The following FRMD4A variants were observed in gnomAD, a reference collection of about 807,000 sequenced individuals.
The protein encoded by FRMD4A is FERM domain-containing protein 4A.
A neutral mutation model predicts 129.1 loss-of-function variants in FRMD4A; 29 were observed. The observed-to-expected ratio is 0.22, with a 90% CI of 0.17 to 0.31. The LOEUF (loss-of-function observed/expected upper bound fraction) is 0.31, where lower values mean the gene tolerates loss of function less well. Among genes scored for constraint, FRMD4A ranks in the 10% least tolerant of loss-of-function variants. The pLI, the probability that FRMD4A is intolerant of heterozygous loss-of-function variation, is 1.00. For missense variants in FRMD4A, 1,272 were observed against 1,375.8 expected (o/e 0.92, Z 1.19); for synonymous variants, 634 against 571.6 (o/e 1.11, Z -1.56).
chr10:13,717,326 A>T (rs1327884351), intron 12 of FRMD4A, among the ~76,000 whole-genome samples: 1 of 151,950 alleles, frequency 6.6e-6, no homozygotes, highest in Non-Finnish European at 1.5e-5. Flanking sequence ...AAATTTTTTA[A>T]TTTTTGAGAT....
chr10:14,029,905 G>A lies in FRMD4A; in HGVS notation c.46-170993C>T, dbSNP rs184595851. On this transcript the variant is annotated intron_variant, in intron 2 of 24. Transcript: ENST00000357447. ...TAAAGGTCCAGTTTCATTATTCTGC[G>A]TTGTGGATATCCAGTTTTTACAACA... is the stretch of plus-strand genomic sequence containing the variant. Among the ~76,000 whole-genome samples the A allele has an allele frequency of 1.1e-4, 16 of 151,832 alleles. No homozygotes were observed. In the East Asian group the frequency reaches 2.1e-3, roughly 20 times the overall value.
intron 2 of FRMD4A, among the ~76,000 whole-genome samples, chr10:14,117,736 T>C (rs1838273161): frequency 6.6e-6 from 1 of 152,206 alleles, no homozygotes. Context: ...TCAGTCAATA[T>C]TTCTTGTGTA....
In FRMD4A at chr10:13,898,985, C is replaced by T. The variant is rs999351652; in HGVS notation, c.46-40073G>A. Among the ~76,000 whole-genome samples the T allele has an allele frequency of 4.6e-5, 7 of 151,990 alleles. No individual in the cohort carries two copies. The South Asian group carries it at 1.5e-3, about 32-fold the overall frequency. ...ATCACTTGAGGCTAGGAATTTGAGA[C>T]CAGCCTGGGCTACATAGTGAGACCC... is the stretch of plus-strand genomic sequence containing the variant. On this transcript the variant is annotated intron_variant, in intron 2 of 24. Coordinates refer to ENST00000357447, the MANE Select transcript of FRMD4A (RefSeq NM_018027.5).
At chr10:13,800,631 C>CCACA (rs891668870) in intron 4 of FRMD4A, among the ~76,000 whole-genome samples, 2 of 152,154 alleles carry the variant, frequency 1.3e-5, no homozygotes, top group Non-Finnish European at 2.9e-5. Context: ...ATATGAGTGA[C>CCACA]CACACACACT....
chr10:13,968,054 G>C (rs1354805281), intron 2 of FRMD4A, among the ~76,000 whole-genome samples: 1 of 152,112 alleles, frequency 6.6e-6, no homozygotes, highest in Non-Finnish European at 1.5e-5. Context: ...ATTTAAAGTG[G>C]CTCCCCAGTG....
At chr10:14,195,483 G>A (rs2131930290) in intron 2 of FRMD4A, among the ~76,000 whole-genome samples, 1 of 151,624 alleles carries the variant, frequency 6.6e-6, no homozygotes, top group Admixed American at 6.6e-5. Context: ...AACTCGGGCT[G>A]CAGTTAGAGA....
rs560636246 is a variant in FRMD4A, at chr10:14,261,446, A to T, written c.45+68612T>A. Among the ~76,000 whole-genome samples the T allele has an allele frequency of 9.2e-5, 14 of 152,280 alleles. No homozygotes were observed. The South Asian group carries it at 2.9e-3, about 32-fold the overall frequency. On this transcript the variant is annotated intron_variant, in intron 2 of 24. Coordinates refer to ENST00000357447, the MANE Select transcript of FRMD4A (RefSeq NM_018027.5). ...TTCAGTTTTCCTGAACTGAAAACTG[A>T]CCTGCTCACCAATGGCTCTAACGCT...
At position 14,010,962 on chromosome 10, in the gene FRMD4A, C is replaced by T. The variant is rs566983667; in HGVS notation, c.46-152050G>A. On this transcript the variant is annotated intron_variant, in intron 2 of 24. Transcript: ENST00000357447. ...GGCAGGCCATGTGCTGTGAGGTTAT[C>T]AAAGGCTACTTCCATGGAGGAAATG... Among the ~76,000 whole-genome samples the T allele has an allele frequency of 2.6e-5, 4 of 152,310 alleles. No individual in the cohort carries two copies. The East Asian group carries it at 7.7e-4, about 29-fold the overall frequency.
intron 20 of FRMD4A, 53 bp from the exon 21 acceptor site, chr10:13,659,543 T>C: frequency 1.9e-6 from 3 of 1,553,726 alleles, no homozygotes; most frequent in Non-Finnish European, 2.6e-6. Context: ...GCACCTTTCC[T>C]GGGGGGCTGG....
intron 2 of FRMD4A, among the ~76,000 whole-genome samples, chr10:13,912,418 T>C (rs548856803): frequency 1.2e-4 from 18 of 152,152 alleles, no homozygotes; most frequent in African/African-American, 3.6e-4. Context: ...TGCACATGAA[T>C]GTTCATAGTG....
intron 2 of FRMD4A, among the ~76,000 whole-genome samples, chr10:14,185,754 C>G (rs1390147821): frequency 5.3e-5 from 8 of 152,170 alleles, no homozygotes; most frequent in Non-Finnish European, 1.0e-4. Context: ...GTAGACCAGG[C>G]TAGTACCAGC....
At chr10:13,704,907 C>CAA (rs771166757) in intron 13 of FRMD4A, among the ~76,000 whole-genome samples, 158 of 127,446 alleles carry the variant, frequency 1.2e-3, no homozygotes, top group Non-Finnish European at 2.1e-3. Flanking sequence ...CCAGTCTCTC[C>CAA]AAAAAAAAAA....
At chr10:14,037,858 A>T (rs988187041) in intron 2 of FRMD4A, among the ~76,000 whole-genome samples, 15 of 152,182 alleles carry the variant, frequency 9.9e-5, no homozygotes, top group African/African-American at 3.6e-4. Context: ...TCCTTTCATA[A>T]GCCAAAATGC....
intron 2 of FRMD4A, among the ~76,000 whole-genome samples, chr10:14,129,220 T>C (rs985466034): frequency 1.3e-5 from 2 of 151,564 alleles, no homozygotes; most frequent in African/African-American, 4.9e-5. Context: ...TGAAGTACCT[T>C]ATTACCGTAT....
At chr10:13,960,304 T>C (rs557226534) in intron 2 of FRMD4A, among the ~76,000 whole-genome samples, 2 of 152,356 alleles carry the variant, frequency 1.3e-5, no homozygotes, top group East Asian at 3.9e-4. Context: ...TACACTTATT[T>C]TGGAAACAGA....
intron 2 of FRMD4A, among the ~76,000 whole-genome samples, chr10:13,898,986 C>A (rs1265760755): frequency 6.6e-6 from 1 of 152,038 alleles, no homozygotes; most frequent in East Asian, 1.9e-4. Flanking sequence ...AATTTGAGAC[C>A]AGCCTGGGCT....
At position 13,762,501 on chromosome 10, in the gene FRMD4A, G is replaced by T. The variant is rs796941314; in HGVS notation, c.441+123C>A. The T allele has an allele frequency of 2.2e-5, 14 of 637,746 alleles. No individual in the cohort carries two copies. The African/African-American group carries it at 2.4e-4, about 11-fold the overall frequency. The allele number at this position is 637,746 out of a possible 1,614,324, so 39.5% of individuals were successfully genotyped here. On this transcript the variant is annotated intron_variant, in intron 7 of 24. Coordinates refer to ENST00000357447, the MANE Select transcript of FRMD4A (RefSeq NM_018027.5). ...CTCTAATAGCTCTATGCAGCTTGTGGCTAAAAAAAGGTAAGACGACAAATA... is the reference window on the plus strand; with the variant it reads ...CTCTAATAGCTCTATGCAGCTTGTGTCTAAAAAAAGGTAAGACGACAAATA...
intron 12 of FRMD4A, among the ~76,000 whole-genome samples, chr10:13,726,995 C>T (rs920660478): frequency 5.3e-5 from 8 of 152,192 alleles, no homozygotes; most frequent in African/African-American, 1.7e-4. Flanking sequence ...CTCTGCCTCC[C>T]AGGTTTCAGT....
chr10:13,794,391 C>CAAAAAA (rs5783349), intron 5 of FRMD4A, among the ~76,000 whole-genome samples: 2 of 102,966 alleles, frequency 1.9e-5, no homozygotes, highest in Non-Finnish European at 3.7e-5. Flanking sequence ...GAATCCGTCT[C>CAAAAAA]AAAAAAAAAA....
Sources: allele counts gnomAD v4.1 joint callset (sites outside exome capture counted in the v4.1 genomes callset), GRCh38; gene constraint gnomAD v4.1.1; transcripts MANE v1.5; gene names NCBI Gene and HGNC (gene_info 2026-07-23, HGNC 2026-07-21).